ARHGEF39: variants seen among roughly 807,000 people sequenced by gnomAD.
ARHGEF39 encodes Rho guanine nucleotide exchange factor 39.
In ARHGEF39, 45 loss-of-function variants were observed where a neutral mutation model predicts 47.5. The observed-to-expected ratio is 0.95, with a 90% confidence interval of 0.75 to 1.22. The LOEUF is 1.22. Ranked by LOEUF, ARHGEF39 falls within the 50% of genes most tolerant of loss-of-function variation. The pLI is 0.00. For missense variants in ARHGEF39, 411 were observed against 425.3 expected (o/e 0.97, Z 0.30); for synonymous variants, 164 against 167.8 (o/e 0.98, Z 0.17).
intron 4 of ARHGEF39, 33 bp downstream of exon 4, chr9:35,663,971 AAAAG>A (rs763267302): frequency 9.4e-6 from 15 of 1,593,004 alleles, no homozygotes; most frequent in African/African-American, 4.0e-5. Context: ...CATACAAACT[AAAAG>A]AGAGAGGCGG....
Position 35,661,964 on chromosome 9 carries a change from G to A in ARHGEF39, c.*23C>T. Reference sequence around the variant, plus strand: ...GTGACCTATCCCTGAGGTATCCTGAGTTCTGGAATCTATAAGATTCCTCTA... The same window carrying A: ...GTGACCTATCCCTGAGGTATCCTGAATTCTGGAATCTATAAGATTCCTCTA... On this transcript the variant is annotated 3_prime_UTR_variant, in exon 9 of 9. Transcript: ENST00000378387. 1 of 1,612,656 alleles carries A rather than the reference G, an allele frequency of 6.2e-7. No homozygotes were observed. The highest frequency in any genetic ancestry group is 8.5e-7 in the Non-Finnish European group (1 of 1,179,106).
chr9:35,662,329 T>A, intron 7 of ARHGEF39, 62 bp from the exon 8 acceptor site: 1 of 1,535,082 alleles, frequency 6.5e-7, no homozygotes, highest in East Asian at 2.3e-5. Flanking sequence ...CTGAAGCCCT[T>A]GCTGTTTCCA....
At position 35,660,721 on chromosome 9, in the gene ARHGEF39, A is replaced by T; in HGVS notation, c.*1266T>A. The stretch of plus-strand genomic sequence containing the variant: ...GGGAGGAATGGGGACATAGGTTGGG[A>T]GCCACTGAGTGGACATTTCTTCAGT... On this transcript the variant is annotated 3_prime_UTR_variant, in exon 9 of 9. Transcript: ENST00000378387. 6.2e-7 allele frequency: 1 copy of T among 1,613,692 alleles called. No individual in the cohort carries two copies. The highest frequency in any genetic ancestry group is 8.5e-7 in the Non-Finnish European group (1 of 1,179,710).
rs767209570 is a variant in ARHGEF39 at position 35,662,201 on chromosome 9, G to A, written c.970C>T (p.His324Tyr). 1.2e-6 allele frequency: 2 copies of A among 1,614,164 alleles called. No individual in the cohort carries two copies. The highest frequency in any genetic ancestry group is 2.2e-5 in the South Asian group (2 of 91,090). ...TDQEELSRWY[H>Y]SLTWAISSQK... ...TACCTGATAGCCCAAGTCAGACTGT[G>A]GTACCAGCGTGACAGCTCCTCCTGG... Residue 324 changes from histidine to tyrosine, a missense_variant, in exon 8 of 9, where the codon CAC (histidine) becomes TAC (tyrosine). His to Tyr is a moderately conservative substitution (Grantham distance 83, BLOSUM62 2). Transcript: ENST00000378387.
chr9:35,662,130 G>A (rs1255587133), intron 8 of ARHGEF39, 49 bp downstream of exon 8: 7 of 1,601,584 alleles, frequency 4.4e-6, no homozygotes, highest in Non-Finnish European at 6.0e-6. Flanking sequence ...CATATTTCCT[G>A]CTTGTGGGCC....
intron 4 of ARHGEF39, 66 bp from the exon 5 acceptor site, chr9:35,663,458 G>A: frequency 7.3e-7 from 1 of 1,360,832 alleles, no homozygotes; most frequent in African/African-American, 1.4e-5. Flanking sequence ...TGCCTGATGT[G>A]CAGATCACCC....
At chr9:35,663,913 G>C in intron 4 of ARHGEF39, 95 bp downstream of exon 4, 1 of 1,315,012 alleles carries the variant, frequency 7.6e-7, no homozygotes, top group Non-Finnish European at 1.1e-6. Context: ...GTCGAGGCAA[G>C]AGTTTGGGAT....
At position 35,660,821 on chromosome 9, in the gene ARHGEF39, TAGCAAGCC is replaced by T. The variant is rs1823891318; in HGVS notation, c.*1158_*1165del. On this transcript the variant is annotated 3_prime_UTR_variant, in exon 9 of 9. Transcript: ENST00000378387. ...GGACCATCCACGAGCTGCTGCAAGA[TAGCAAGCC>T]GGACAAGGATATGGAGGCTTCAGAA... 1 of 1,614,042 alleles carries T rather than the reference TAGCAAGCC, an allele frequency of 6.2e-7. No individual in the cohort carries two copies. Among genetic ancestry groups the T allele is most frequent in the Non-Finnish European group, 8.5e-7 (1 of 1,180,046 alleles).
Position 35,664,506 on chromosome 9 carries a change from G to A in ARHGEF39, c.234-14C>T. The A allele has an allele frequency of 6.3e-7, 1 of 1,589,504 alleles. No individual in the cohort carries two copies. Among genetic ancestry groups the A allele is most frequent in the Non-Finnish European group, 8.5e-7 (1 of 1,170,884 alleles). On this transcript the variant is annotated splice_polypyrimidine_tract_variant and intron_variant, in intron 2 of 8. Transcript: ENST00000378387. Reference sequence around the variant, plus strand: ...GGAAGCAGCTCCCTGTGTGGGCAAGGACAGCAAAAGGGCAGCTCTAGAACC... The same window carrying A: ...GGAAGCAGCTCCCTGTGTGGGCAAGAACAGCAAAAGGGCAGCTCTAGAACC...
rs1471484724 is a variant in ARHGEF39 at position 35,662,589 on chromosome 9, C to T, written c.826G>A (p.Ala276Thr). ...TGACACTGGGCCATGGGGTAGAGGGCCTTGCAGGCAAAGGTGCCACTCCGC... is the reference window on the plus strand; with the variant it reads ...TGACACTGGGCCATGGGGTAGAGGGTCTTGCAGGCAAAGGTGCCACTCCGC... ...LLRSGTFACK[A>T]LYPMAQCHLS... is the part of the protein sequence containing the mutation. Residue 276 changes from alanine to threonine, a missense_variant, in exon 7 of 9, where the codon GCC becomes ACC. By Grantham distance (58) the Ala-to-Thr change is moderately conservative. Coordinates refer to ENST00000378387, the MANE Select transcript of ARHGEF39 (RefSeq NM_032818.3). 3.1e-6 allele frequency: 5 copies of T among 1,614,214 alleles called. No individual in the cohort carries two copies. In the South Asian group the frequency reaches 3.3e-5, roughly 11 times the overall value.
In ARHGEF39 at chr9:35,661,329, A is replaced by G. The variant is rs1420334473; in HGVS notation, c.*658T>C. ...CTTCCAGTGTGACAGCAGAGAAGAT[A>G]GAGGGAGCTCCAGCTCTTTTCCTCG... On this transcript the variant is annotated 3_prime_UTR_variant, in exon 9 of 9. Transcript: ENST00000378387. 1 of 603,830 alleles carries G rather than the reference A, an allele frequency of 1.7e-6. No individual in the cohort carries two copies. Among genetic ancestry groups the G allele is most frequent in the African/African-American group, 1.9e-5 (1 of 53,722 alleles). The allele number at this position is 603,830 out of a possible 1,614,324, so 37.4% of individuals were successfully genotyped here. A position where few individuals can be genotyped will look rare whatever the true frequency, so the allele number is the denominator to read the frequency against.
In ARHGEF39 at chr9:35,662,176, T is replaced by TA. The variant is rs777072431; in HGVS notation, c.992+2dup. On this transcript the variant is annotated splice_region_variant and intron_variant, in intron 8 of 8. Coordinates refer to ENST00000378387, the MANE Select transcript of ARHGEF39 (RefSeq NM_032818.3). ...ACCCTTCCTGGGGGAAGACACAACT[T>TA]ACCTGATAGCCCAAGTCAGACTGTG... The TA allele has an allele frequency of 6.1e-5, 98 of 1,613,810 alleles. No homozygotes were observed. The highest frequency in any genetic ancestry group is 8.1e-5 in the Non-Finnish European group (96 of 1,179,810).
chr9:35,659,700 T>C lies in ARHGEF39; in HGVS notation c.*2287A>G, dbSNP rs10441726. Reference sequence around the variant, plus strand: ...ATAAACCAGAAAAAACTCAGGAAAGTGGGTGAGGGTGTGACCATTGCCTTC... The same window carrying C: ...ATAAACCAGAAAAAACTCAGGAAAGCGGGTGAGGGTGTGACCATTGCCTTC... On this transcript the variant is annotated 3_prime_UTR_variant, in exon 9 of 9. Coordinates refer to ENST00000378387, the MANE Select transcript of ARHGEF39 (RefSeq NM_032818.3). 0.17 allele frequency: 26,121 copies of C among 152,104 alleles called. 2,816 individuals are homozygous for C. Among genetic ancestry groups the C allele is most frequent in the African/African-American group, 0.31 (12,782 of 41,474 alleles). The allele number at this position is 152,104 out of a possible 1,614,324, so 9.4% of individuals were successfully genotyped here. A position where few individuals can be genotyped will look rare whatever the true frequency, so the allele number is the denominator to read the frequency against.
intron 4 of ARHGEF39, 104 bp from the exon 5 acceptor site, chr9:35,663,496 G>A (rs902394030): frequency 3.8e-5 from 38 of 989,226 alleles, no homozygotes; most frequent in African/African-American, 9.7e-5. Flanking sequence ...TGAAGGCCAG[G>A]AAAGATCTGC....
Position 35,660,993 on chromosome 9 carries a change from A to G in ARHGEF39, c.*994T>C, listed in dbSNP as rs1339374. On this transcript the variant is annotated 3_prime_UTR_variant, in exon 9 of 9. Transcript: ENST00000378387. ...CTGTTTAAAGGAGGACGAGGAGGAG[A>G]TTGGTGACAGTCAGGCCTGGGAGGA... 0.81 allele frequency: 1,305,740 copies of G among 1,613,902 alleles called. 531,311 individuals carry two copies. Among genetic ancestry groups the G allele is most frequent in the East Asian group, 0.99 (44,431 of 44,870 alleles).
chr9:35,659,459 A>G lies in ARHGEF39; in HGVS notation c.*2528T>C, dbSNP rs994041769. The G allele has an allele frequency of 6.6e-6, 1 of 152,188 alleles. No homozygotes were observed. The highest frequency in any genetic ancestry group is 1.5e-5 in the Non-Finnish European group (1 of 68,032). The allele number at this position is 152,188 out of a possible 1,614,324, so 9.4% of individuals were successfully genotyped here. ...AATGTAGCAGGAGGTCTTATGAAAG[A>G]GAGTTAGGCATTCCAGTTGACTGAG... On this transcript the variant is annotated 3_prime_UTR_variant, in exon 9 of 9. Coordinates refer to ENST00000378387, the MANE Select transcript of ARHGEF39 (RefSeq NM_032818.3).
rs1823968508 is a variant in ARHGEF39, at chr9:35,661,876, C to T, written c.*111G>A. Reference sequence around the variant, plus strand: ...TTGGTCCAGGCAAACAGAAAGTGACCTTTGTCAAATCATGAAGGGTTCTGT... The same window carrying T: ...TTGGTCCAGGCAAACAGAAAGTGACTTTTGTCAAATCATGAAGGGTTCTGT... On this transcript the variant is annotated 3_prime_UTR_variant, in exon 9 of 9. Coordinates refer to ENST00000378387, the MANE Select transcript of ARHGEF39 (RefSeq NM_032818.3). 1.4e-5 allele frequency: 19 copies of T among 1,332,174 alleles called. No individual in the cohort carries two copies. The highest frequency in any genetic ancestry group is 1.9e-5 in the Non-Finnish European group (18 of 966,494). 82.5% of individuals were successfully genotyped at this position (1,332,174 alleles called of 1,614,324 possible). A position where few individuals can be genotyped will look rare whatever the true frequency, so the allele number is the denominator to read the frequency against.
chr9:35,663,969 C>T, intron 4 of ARHGEF39, 39 bp downstream of exon 4: 1 of 1,592,710 alleles, frequency 6.3e-7, no homozygotes, highest in East Asian at 2.2e-5. Context: ...GTCATACAAA[C>T]TAAAAGAGAG....
At chr9:35,663,471 T>C (rs948046364) in intron 4 of ARHGEF39, 79 bp from the exon 5 acceptor site, 3 of 1,208,860 alleles carry the variant, frequency 2.5e-6, no homozygotes, top group Non-Finnish European at 3.6e-6. Context: ...GATCACCCTC[T>C]ACCCATACTT....
Sources: gnomAD v4.1 joint callset for allele counts on GRCh38, gnomAD v4.1.1 for gene constraint, MANE v1.5 for transcripts, NCBI Gene and HGNC (gene_info 2026-07-23, HGNC 2026-07-21) for gene names.